DHRSX: variants seen among roughly 807,000 people sequenced by gnomAD.
The protein encoded by DHRSX is dehydrogenase/reductase X-linked, also known as polyprenol dehydrogenase.
DHRSX carries 31 observed loss-of-function variants against 34.0 expected under a neutral mutation model. The observed-to-expected ratio is 0.91, with a 90% CI of 0.69 to 1.23. The LOEUF (loss-of-function observed/expected upper bound fraction) is 1.23. Ranked by LOEUF, DHRSX falls within the 50% of genes most tolerant of loss-of-function variation. DHRSX has a pLI of 0.00. For missense variants in DHRSX, 414 were observed against 428.1 expected (o/e 0.97, Z 0.29); for synonymous variants, 201 against 183.8 (o/e 1.09, Z -0.76).
At chrX:2,253,685 G>T (rs1186434399) in intron 5 of DHRSX, among the ~76,000 whole-genome samples, 5 of 152,210 alleles carry the variant, frequency 3.3e-5, no homozygotes, top group African/African-American at 1.2e-4. Flanking sequence ...TTATAAAAGG[G>T]TATTTGAGTT....
chrX:2,394,536 C>T (rs901016161), intron 3 of DHRSX, among the ~76,000 whole-genome samples: 8 of 152,130 alleles, frequency 5.3e-5, no homozygotes, highest in South Asian at 2.1e-4. Flanking sequence ...CACATTTACA[C>T]GTGAGGATAA....
intron 3 of DHRSX, among the ~76,000 whole-genome samples, chrX:2,356,557 G>A: frequency 6.6e-6 from 1 of 152,134 alleles, no homozygotes; most frequent in South Asian, 2.1e-4. Context: ...GACAAGAACT[G>A]GGAGAAAGAG....
At chrX:2,450,189 T>A in intron 1 of DHRSX, among the ~76,000 whole-genome samples, 1 of 152,194 alleles carries the variant, frequency 6.6e-6, no homozygotes, top group South Asian at 2.1e-4. Context: ...TAGAGCAGTT[T>A]CAACAAACTC....
At chrX:2,267,843 A>T (rs1389435889) in intron 4 of DHRSX, among the ~76,000 whole-genome samples, 2 of 151,852 alleles carry the variant, frequency 1.3e-5, no homozygotes, top group African/African-American at 4.8e-5. Flanking sequence ...CTACTCGGGG[A>T]GGTTGAGGCG....
At chrX:2,400,180 C>T (rs750492736) in intron 3 of DHRSX, among the ~76,000 whole-genome samples, 1 of 152,290 alleles carries the variant, frequency 6.6e-6, no homozygotes, top group East Asian at 1.9e-4. Flanking sequence ...ATTCCAACTT[C>T]AGCACAGACA....
At chrX:2,282,341 GAA>G (rs1222494897) in intron 4 of DHRSX, among the ~76,000 whole-genome samples, 5 of 128,156 alleles carry the variant, frequency 3.9e-5, no homozygotes, top group East Asian at 2.4e-4. Context: ...GGGCAAACGA[GAA>G]AGGAAGAGAG....
intron 1 of DHRSX, among the ~76,000 whole-genome samples, chrX:2,446,619 A>C (rs2044139951): frequency 6.6e-6 from 1 of 151,744 alleles, no homozygotes; most frequent in South Asian, 2.1e-4. Flanking sequence ...GACATTCCCT[A>C]AGCATGGGCT....
At chrX:2,283,201 T>G (rs2041752696) in intron 4 of DHRSX, among the ~76,000 whole-genome samples, 1 of 151,906 alleles carries the variant, frequency 6.6e-6, no homozygotes, top group Non-Finnish European at 1.5e-5. Context: ...CCTGAACATC[T>G]AGCCTTCTCT....
intron 3 of DHRSX, among the ~76,000 whole-genome samples, chrX:2,318,455 C>T (rs1218780545): frequency 6.6e-6 from 1 of 151,954 alleles, no homozygotes; most frequent in Non-Finnish European, 1.5e-5. Context: ...GTTGATAAAA[C>T]AGGTTGTGGT....
chrX:2,322,862 C>A (rs1362754780), intron 3 of DHRSX, among the ~76,000 whole-genome samples: 2 of 152,048 alleles, frequency 1.3e-5, no homozygotes, highest in East Asian at 3.9e-4. Context: ...TCAACTGTGC[C>A]AGGGACGTGT....
At chrX:2,321,906 C>T (rs1191032216) in intron 3 of DHRSX, among the ~76,000 whole-genome samples, 2 of 152,118 alleles carry the variant, frequency 1.3e-5, no homozygotes, top group Admixed American at 6.6e-5. Context: ...TCCACTCCCA[C>T]TTCAGAAATA....
intron 1 of DHRSX, among the ~76,000 whole-genome samples, chrX:2,449,376 G>C (rs1191407304): frequency 6.6e-6 from 1 of 152,164 alleles, no homozygotes; most frequent in Non-Finnish European, 1.5e-5. Flanking sequence ...TCATCCTCCT[G>C]AGTACATGCA....
intron 1 of DHRSX, among the ~76,000 whole-genome samples, chrX:2,476,207 G>A (rs1021512159): frequency 6.6e-6 from 1 of 151,410 alleles, no homozygotes; most frequent in African/African-American, 2.4e-5. Flanking sequence ...GGCCAACATG[G>A]TGAAACCCTG....
At chrX:2,385,844 C>T (rs947903288) in intron 3 of DHRSX, among the ~76,000 whole-genome samples, 12 of 152,042 alleles carry the variant, frequency 7.9e-5, no homozygotes, top group East Asian at 3.9e-4. Flanking sequence ...GGGAGTAAAA[C>T]GGTTTACTCA....
chrX:2,448,902 C>T (rs1411699734), intron 1 of DHRSX, among the ~76,000 whole-genome samples: 3 of 152,112 alleles, frequency 2.0e-5, no homozygotes, highest in African/African-American at 7.2e-5. Flanking sequence ...GGTGTATCCA[C>T]ACTGGGCCGG....
chrX:2,297,737 A>G (rs2041951020), intron 3 of DHRSX, among the ~76,000 whole-genome samples: 3 of 146,874 alleles, frequency 2.0e-5, no homozygotes, highest in Non-Finnish European at 3.0e-5. Context: ...AGGAGTGCGG[A>G]GTTTTTTTTG....
At chrX:2,385,163 TATAC>T (rs1426381915) in intron 3 of DHRSX, among the ~76,000 whole-genome samples, 1 of 151,698 alleles carries the variant, frequency 6.6e-6, no homozygotes, top group African/African-American at 2.4e-5. Flanking sequence ...TGTGTGTGTG[TATAC>T]ATACATACAC....
At chrX:2,441,479 G>T (rs1245281283) in intron 1 of DHRSX, among the ~76,000 whole-genome samples, 6 of 152,200 alleles carry the variant, frequency 3.9e-5, no homozygotes, top group Non-Finnish European at 5.9e-5. Flanking sequence ...TATATATATA[G>T]AGAGAAAGAG....
intron 6 of DHRSX, among the ~76,000 whole-genome samples, chrX:2,228,716 A>G (rs1490536245): frequency 1.3e-5 from 2 of 152,036 alleles, no homozygotes; most frequent in Non-Finnish European, 2.9e-5. Flanking sequence ...CTTTTGTGTC[A>G]TTCAAACCAC....
Sources: allele counts gnomAD v4.1 joint callset (sites outside exome capture counted in the v4.1 genomes callset), GRCh38; gene constraint gnomAD v4.1.1; transcripts MANE v1.5; gene names NCBI Gene and HGNC (gene_info 2026-07-23, HGNC 2026-07-21).